LONP2: variants seen among roughly 807,000 people sequenced by gnomAD.
The protein encoded by LONP2 is lon peptidase 2, peroxisomal, also known as lon protease homolog 2, peroxisomal.
LONP2 carries 60 observed loss-of-function variants against 85.6 expected under a neutral mutation model. That is an observed-to-expected ratio of 0.70 (90% CI 0.57 to 0.87). LONP2 has a LOEUF of 0.87. LONP2 is among the 40% of genes least tolerant of loss of function. LONP2 has a pLI of 0.00. For synonymous variants in LONP2, 395 were observed against 389.7 expected (o/e 1.01, Z -0.16); for missense variants, 860 against 1,063.5 (o/e 0.81, Z 2.66).
intron 11 of LONP2, among the ~76,000 whole-genome samples, chr16:48,307,013 C>T (rs1011475647): frequency 5.3e-5 from 8 of 152,142 alleles, no homozygotes; most frequent in Non-Finnish European, 1.2e-4. Context: ...AGCTTCAAAA[C>T]AGGCAGAAAC....
At chr16:48,298,420 T>C (rs944503094) in intron 9 of LONP2, among the ~76,000 whole-genome samples, 2 of 152,056 alleles carry the variant, frequency 1.3e-5, no homozygotes, top group South Asian at 4.1e-4. Flanking sequence ...AAAATACATA[T>C]ATACATACAT....
At chr16:48,302,372 TAC>T (rs1306316571) in intron 10 of LONP2, among the ~76,000 whole-genome samples, 4 of 152,240 alleles carry the variant, frequency 2.6e-5, no homozygotes, top group African/African-American at 9.6e-5. Flanking sequence ...TCCTAAAGTC[TAC>T]AGTGTATGTC....
intron 1 of LONP2, among the ~76,000 whole-genome samples, 153 bp downstream of exon 1, chr16:48,244,774 G>A (rs1971257046): frequency 6.6e-6 from 1 of 152,164 alleles, no homozygotes; most frequent in Non-Finnish European, 1.5e-5. Context: ...TGCAAAATGG[G>A]GATGTCAGAT....
intron 12 of LONP2, chr16:48,344,309 TAGATA>T (rs1463301852): frequency 6.6e-6 from 1 of 152,216 alleles, no homozygotes; most frequent in Non-Finnish European, 1.5e-5. Flanking sequence ...CTTTGCTTCT[TAGATA>T]ACTACTGTTA....
intron 11 of LONP2, among the ~76,000 whole-genome samples, chr16:48,321,755 AAAC>A (rs1973269853): frequency 6.6e-6 from 1 of 152,192 alleles, no homozygotes; most frequent in Non-Finnish European, 1.5e-5. Flanking sequence ...AAGAAAAAAT[AAAC>A]AACAAATAAA....
chr16:48,350,161 G>GT (rs1385503764), intron 14 of LONP2, among the ~76,000 whole-genome samples: 1 of 152,192 alleles, frequency 6.6e-6, no homozygotes, highest in Admixed American at 6.5e-5. Flanking sequence ...CAAGGTGGGC[G>GT]TATCACTTGA....
intron 7 of LONP2, 103 bp from the exon 8 acceptor site, chr16:48,277,235 A>G (rs1972227093): frequency 9.1e-7 from 1 of 1,102,916 alleles, no homozygotes; most frequent in African/African-American, 1.6e-5. Context: ...TATTATAGTG[A>G]TAGCTAAATG....
Position 48,308,583 on chromosome 16 carries a change from C to T in LONP2, c.1795+5278C>T, listed in dbSNP as rs376511743. Among the ~76,000 whole-genome samples, 18 of 149,562 alleles carry T rather than the reference C, an allele frequency of 1.2e-4. No homozygotes were observed. The South Asian group carries it at 3.4e-3, about 28-fold the overall frequency. ...CGGATGGTGCAGTGAGCCGAGATCG[C>T]GCCATTGCACTCCAGTGTAGGGGTA... is the stretch of plus-strand genomic sequence containing the variant. On this transcript the variant is annotated intron_variant, in intron 11 of 14. Transcript: ENST00000285737.
At chr16:48,322,190 A>G (rs550708135) in intron 11 of LONP2, among the ~76,000 whole-genome samples, 221 of 152,246 alleles carry the variant, frequency 1.5e-3, no homozygotes, top group African/African-American at 5.0e-3. Flanking sequence ...CTAGTGCTCC[A>G]TTATTGGAAC....
chr16:48,253,566 G>A (rs1971697801), intron 2 of LONP2, among the ~76,000 whole-genome samples: 1 of 152,114 alleles, frequency 6.6e-6, no homozygotes, highest in Non-Finnish European at 1.5e-5. Context: ...TTGAAAACTG[G>A]AATAAGTGAA....
intron 1 of LONP2, among the ~76,000 whole-genome samples, chr16:48,250,279 GAGATC>G (rs1971604371): frequency 6.6e-6 from 1 of 151,012 alleles, no homozygotes; most frequent in African/African-American, 2.4e-5. Context: ...TCAAGAGATC[GAGATC>G]ATCCTGGCCA....
chr16:48,292,969 ACCT>A (rs1972586601), intron 8 of LONP2, among the ~76,000 whole-genome samples: 1 of 150,452 alleles, frequency 6.6e-6, no homozygotes, highest in Non-Finnish European at 1.5e-5. Flanking sequence ...TGTTTTAAAA[ACCT>A]CCTTCATAAT....
At chr16:48,250,491 A>C (rs923930710) in intron 1 of LONP2, among the ~76,000 whole-genome samples, 1 of 152,008 alleles carries the variant, frequency 6.6e-6, no homozygotes. Context: ...AAAAAAAAAA[A>C]ACAAAAAACA....
chr16:48,253,757 C>T (rs1032944020), intron 2 of LONP2, among the ~76,000 whole-genome samples: 1 of 152,070 alleles, frequency 6.6e-6, no homozygotes, highest in African/African-American at 2.4e-5. Flanking sequence ...AAAGATTTTG[C>T]AGTGACATTA....
At position 48,362,396 on chromosome 16, in the gene LONP2, G is replaced by A. The variant is rs571226258; in HGVS notation, c.*533G>A. ...GGGATGGTGGACACTTCGAGGTACC[G>A]GTAGGTAATGCTGTAGCAGTCTGAC... On this transcript the variant is annotated 3_prime_UTR_variant, in exon 5 of 5. Coordinates refer to the LONP2 transcript ENST00000565867. This position sits in a 1 kb window ranked among gnomAD's most constrained non-coding sequence, Gnocchi z 4.2. 3.6e-5 allele frequency: 58 copies of A among 1,614,074 alleles called. 1 individual carries two copies. In the South Asian group the frequency reaches 4.3e-4, roughly 12 times the overall value.
chr16:48,350,997 C>T (rs1960125496), intron 14 of LONP2, among the ~76,000 whole-genome samples: 1 of 152,160 alleles, frequency 6.6e-6, no homozygotes, highest in African/African-American at 2.4e-5. Context: ...CCGTGGAGAT[C>T]ATACAGCATC....
At chr16:48,341,714 A>C (rs1171126127) in intron 12 of LONP2, among the ~76,000 whole-genome samples, 1 of 152,234 alleles carries the variant, frequency 6.6e-6, no homozygotes, top group Non-Finnish European at 1.5e-5. Context: ...TTTTCAAAAT[A>C]CATAAAGTTT....
chr16:48,266,327 GTT>G (rs373545339), intron 6 of LONP2, among the ~76,000 whole-genome samples: 2,053 of 140,698 alleles, frequency 0.015, 48 homozygotes, highest in African/African-American at 0.05. Context: ...TTGGAGAAAG[GTT>G]TTTTTTTTTT....
At chr16:48,302,176 C>G (rs1250183070) in intron 10 of LONP2, among the ~76,000 whole-genome samples, 3 of 152,156 alleles carry the variant, frequency 2.0e-5, no homozygotes, top group African/African-American at 7.2e-5. Context: ...ATTTATAAAG[C>G]TGAATTTTTT....
Sources: allele counts gnomAD v4.1 joint callset (sites outside exome capture counted in the v4.1 genomes callset), GRCh38; gene constraint gnomAD v4.1.1; non-coding constraint Gnocchi (gnomAD v3.1); transcripts MANE v1.5; gene names NCBI Gene and HGNC (gene_info 2026-07-23, HGNC 2026-07-21).